PSD3: variants seen among roughly 807,000 people sequenced by gnomAD.
PSD3 encodes pleckstrin and Sec7 domain containing 3, also known as PH and SEC7 domain-containing protein 3.
PSD3 carries 49 observed loss-of-function variants against 105.5 expected under a neutral mutation model. The ratio of observed to expected loss-of-function variants is 0.46; its 90% confidence interval spans 0.37 to 0.59. The LOEUF is 0.59. Ranked by LOEUF, PSD3 falls within the 20% of genes least tolerant of loss-of-function variation. PSD3 has a pLI of 0.00. For missense variants in PSD3, 1,561 were observed against 1,263.8 expected (o/e 1.24, Z -3.57); for synonymous variants, 557 against 457.8 (o/e 1.22, Z -2.77).
chr8:18,809,060 T>G (rs538154759), intron 4 of PSD3, among the ~76,000 whole-genome samples: 1 of 152,152 alleles, frequency 6.6e-6, no homozygotes. Flanking sequence ...TCGTTCACAC[T>G]TGATAAAGCC....
intron 1 of PSD3, among the ~76,000 whole-genome samples, chr8:19,055,618 T>C (rs974434206): frequency 2.0e-5 from 3 of 152,106 alleles, no homozygotes; most frequent in Non-Finnish European, 4.4e-5. Context: ...TAAGCTATGG[T>C]TTTTAAGGTC....
intron 1 of PSD3, among the ~76,000 whole-genome samples, chr8:18,994,951 C>T (rs1374276000): frequency 1.3e-5 from 2 of 151,662 alleles, no homozygotes; most frequent in Non-Finnish European, 2.9e-5. Context: ...TTTATAGGTA[C>T]TTTTTAAGTA....
intron 2 of PSD3, among the ~76,000 whole-genome samples, chr8:18,907,130 A>C (rs2129462678): frequency 6.6e-6 from 1 of 152,366 alleles, no homozygotes; most frequent in Non-Finnish European, 1.5e-5. Flanking sequence ...CAGTAATCTA[A>C]GGTTGTTACT....
intron 1 of PSD3, among the ~76,000 whole-genome samples, chr8:18,984,377 A>G (rs1171755649): frequency 6.6e-6 from 1 of 152,102 alleles, no homozygotes; most frequent in Non-Finnish European, 1.5e-5. Context: ...TAATGTCTTT[A>G]CATTATGGTA....
intron 9 of PSD3, among the ~76,000 whole-genome samples, chr8:18,696,953 G>A (rs1281911324): frequency 6.6e-6 from 1 of 152,082 alleles, no homozygotes; most frequent in Non-Finnish European, 1.5e-5. Flanking sequence ...TACCATTTCA[G>A]GCCAGGCACG....
chr8:18,823,773 AACACACTCACACACAC>A (rs1384627415), intron 4 of PSD3, among the ~76,000 whole-genome samples: 13 of 134,714 alleles, frequency 9.7e-5, no homozygotes, highest in Non-Finnish European at 1.5e-4. Flanking sequence ...CTTTATCTTA[AACACACTCACACACAC>A]ACACACACAC....
At position 18,762,174 on chromosome 8, in the gene PSD3, T is replaced by A. The variant is rs116046088; in HGVS notation, c.2172+3275A>T. Among the ~76,000 whole-genome samples the A allele has an allele frequency of 3.4e-3, 524 of 152,270 alleles. 3 individuals are homozygous for A. The highest frequency in any genetic ancestry group is 0.012 in the African/African-American group (491 of 41,562). ...TTGGATCAGGAGGGCGGAGCTCTCA[T>A]GAATGGGTTAGCACTGTCCCCTTGG... is the stretch of plus-strand genomic sequence containing the variant. On this transcript the variant is annotated intron_variant, in intron 9 of 15. Coordinates refer to ENST00000327040, the MANE Select transcript of PSD3 (RefSeq NM_015310.4).
At chr8:19,009,464 T>TGACA (rs1302282097) in intron 1 of PSD3, among the ~76,000 whole-genome samples, 2 of 152,148 alleles carry the variant, frequency 1.3e-5, no homozygotes, top group African/African-American at 2.4e-5. Flanking sequence ...ATGGAAATAA[T>TGACA]GACACTACTG....
intron 6 of PSD3, chr8:18,804,281 G>A (rs566849886): frequency 2.4e-5 from 9 of 381,726 alleles, no homozygotes; most frequent in African/African-American, 1.7e-4. Context: ...GCTCCCTAAA[G>A]CATTTCAGAT....
At chr8:18,608,409 C>T (rs902957286) in intron 11 of PSD3, among the ~76,000 whole-genome samples, 2 of 152,140 alleles carry the variant, frequency 1.3e-5, no homozygotes, top group Non-Finnish European at 2.9e-5. Flanking sequence ...ATGAAACCAA[C>T]AAGCTGCTGT....
intron 1 of PSD3, among the ~76,000 whole-genome samples, chr8:18,986,704 C>T (rs2129473156): frequency 6.6e-6 from 1 of 152,264 alleles, no homozygotes; most frequent in Non-Finnish European, 1.5e-5. Context: ...CTGAATGCCC[C>T]TAAAGTATTC....
intron 1 of PSD3, among the ~76,000 whole-genome samples, chr8:18,954,766 G>A (rs532160686): frequency 7.2e-5 from 11 of 152,198 alleles, no homozygotes; most frequent in African/African-American, 2.6e-4. Context: ...TGCAGTGGGG[G>A]CTCAAGATTC....
At chr8:18,676,568 G>C (rs1386497997) in intron 9 of PSD3, among the ~76,000 whole-genome samples, 8 of 152,170 alleles carry the variant, frequency 5.3e-5, no homozygotes, top group Admixed American at 5.2e-4. Flanking sequence ...AGATTGTGGA[G>C]TGTCCTATCC....
intron 1 of PSD3, among the ~76,000 whole-genome samples, chr8:19,053,861 T>C (rs1388662166): frequency 1.3e-5 from 2 of 152,252 alleles, no homozygotes; most frequent in Non-Finnish European, 2.9e-5. Flanking sequence ...AGGCACTCAA[T>C]AATTATTTGT....
At chr8:18,963,206 A>G (rs548591680) in intron 1 of PSD3, among the ~76,000 whole-genome samples, 15 of 152,324 alleles carry the variant, frequency 9.8e-5, no homozygotes, top group East Asian at 1.9e-4. Context: ...CCATGATTCA[A>G]TGATCTCCCA....
At chr8:18,999,814 C>T (rs1826279376) in intron 1 of PSD3, among the ~76,000 whole-genome samples, 1 of 151,464 alleles carries the variant, frequency 6.6e-6, no homozygotes, top group Non-Finnish European at 1.5e-5. Flanking sequence ...CTGAACTTCC[C>T]TCTGAATCAT....
intron 2 of PSD3, among the ~76,000 whole-genome samples, chr8:18,895,007 C>T (rs189360414): frequency 6.6e-6 from 1 of 152,334 alleles, no homozygotes; most frequent in East Asian, 1.9e-4. Context: ...ACAGGCCATG[C>T]TGTTACATAT....
chr8:18,624,990 A>G (rs1005791270), intron 11 of PSD3, among the ~76,000 whole-genome samples: 4 of 151,974 alleles, frequency 2.6e-5, no homozygotes, highest in Non-Finnish European at 5.9e-5. Flanking sequence ...CCTGTCTTGG[A>G]TTCCCAAAGT....
chr8:19,009,519 G>T (rs1466777599), intron 1 of PSD3, among the ~76,000 whole-genome samples: 1 of 151,926 alleles, frequency 6.6e-6, no homozygotes, highest in Non-Finnish European at 1.5e-5. Flanking sequence ...ACCCAAGTAA[G>T]AACTCAATAA....
Sources: allele counts gnomAD v4.1 joint callset (sites outside exome capture counted in the v4.1 genomes callset), GRCh38; gene constraint gnomAD v4.1.1; transcripts MANE v1.5; gene names NCBI Gene and HGNC (gene_info 2026-07-23, HGNC 2026-07-21).